Variants in RAB3GAP2 observed in about 807,000 individuals in gnomAD.
RAB3GAP2 encodes rab3 GTPase-activating protein non-catalytic subunit.
RAB3GAP2 carries 87 observed loss-of-function variants against 185.3 expected under a neutral mutation model. The ratio of observed to expected loss-of-function variants is 0.47; its 90% CI spans 0.39 to 0.56. RAB3GAP2 has a LOEUF of 0.56. Among genes scored for constraint, RAB3GAP2 ranks in the 20% least tolerant of loss-of-function variants. The pLI is 0.00. For synonymous variants in RAB3GAP2, 554 were observed against 576.1 expected (o/e 0.96, Z 0.55); for missense variants, 1,492 against 1,638.2 (o/e 0.91, Z 1.54).
In RAB3GAP2 at chr1:220,160,428, C is replaced by A. The variant is rs564684409; in HGVS notation, c.3226-1007G>T. Reference sequence around the variant, plus strand: ...GTTGCCAGAATCATCTTTTTAAACACAAATTTGAATATATAATTCCTCTGC... The same window carrying A: ...GTTGCCAGAATCATCTTTTTAAACAAAAATTTGAATATATAATTCCTCTGC... On this transcript the variant is annotated intron_variant, in intron 28 of 34. Coordinates refer to ENST00000358951, the MANE Select transcript of RAB3GAP2 (RefSeq NM_012414.4). Among the ~76,000 whole-genome samples the A allele has an allele frequency of 2.6e-5, 4 of 152,306 alleles. No individual in the cohort carries two copies. In the East Asian group the frequency reaches 7.7e-4, roughly 29 times the overall value.
intron 7 of RAB3GAP2, chr1:220,208,351 G>A (rs538112726): frequency 1.3e-5 from 2 of 152,150 alleles, no homozygotes; most frequent in African/African-American, 4.8e-5. Flanking sequence ...ATCTCCTTAC[G>A]ATGAGTATTA....
chr1:220,267,190 G>A lies in RAB3GAP2; in HGVS notation c.115+5033C>T. ...TGTTTTTGAATGACAGTAAGACAGG[G>A]CACTTGCCAATTCTGTGATATAAGT... On this transcript the variant is annotated intron_variant, in intron 1 of 34. Transcript: ENST00000358951. The A allele has an allele frequency of 3.1e-6, 3 of 980,752 alleles. No individual in the cohort carries two copies. The South Asian group carries it at 3.8e-5, about 12-fold the overall frequency. 60.8% of individuals were successfully genotyped at this position (980,752 alleles called of 1,614,324 possible).
chr1:220,198,413 T>C (rs1038360883), intron 9 of RAB3GAP2, among the ~76,000 whole-genome samples: 10 of 152,216 alleles, frequency 6.6e-5, no homozygotes, highest in African/African-American at 2.4e-4. Flanking sequence ...TTGAGACTAA[T>C]TTCCCACAGT....
rs1658905431 is a variant in RAB3GAP2 at position 220,203,712 on chromosome 1, T to A, written c.713-1338A>T. Among the ~76,000 whole-genome samples, 3 of 152,306 alleles carry A rather than the reference T, an allele frequency of 2.0e-5. No individual in the cohort carries two copies. In the South Asian group the frequency reaches 6.2e-4, roughly 32 times the overall value. On this transcript the variant is annotated intron_variant, in intron 8 of 34. Transcript: ENST00000358951. The stretch of plus-strand genomic sequence containing the variant: ...TGGCATATATATTAATGGTGAGTAT[T>A]TTAAATGTTCTCAAGATAGTGAAGC...
At chr1:220,177,813 T>C (rs2102862640) in intron 21 of RAB3GAP2, among the ~76,000 whole-genome samples, 1 of 152,254 alleles carries the variant, frequency 6.6e-6, no homozygotes, top group South Asian at 2.1e-4. Flanking sequence ...ATAGGATCTA[T>C]AAAACAACAT....
chr1:220,173,306 T>A (rs1383447294), intron 21 of RAB3GAP2, among the ~76,000 whole-genome samples: 2 of 152,240 alleles, frequency 1.3e-5, no homozygotes, highest in Non-Finnish European at 2.9e-5. Context: ...TAAACCAGCA[T>A]ACCTACTTGA....
rs923070503 is a variant in RAB3GAP2 at position 220,217,065 on chromosome 1, T to G, written c.181-3086A>C. ...TAATTTTATAATAAAGAAAATGGAGTCTCGGAGAGGTTAAGGGATGTGCTC... is the reference window on the plus strand; with the variant it reads ...TAATTTTATAATAAAGAAAATGGAGGCTCGGAGAGGTTAAGGGATGTGCTC... On this transcript the variant is annotated intron_variant, in intron 2 of 34. Transcript: ENST00000358951. Among the ~76,000 whole-genome samples the G allele has an allele frequency of 1.8e-4, 27 of 152,070 alleles. 1 individual carries two copies. The highest frequency in any genetic ancestry group is 1.2e-3 in the Admixed American group (19 of 15,284).
chr1:220,255,141 G>A (rs1280791153), intron 1 of RAB3GAP2, among the ~76,000 whole-genome samples: 1 of 150,946 alleles, frequency 6.6e-6, no homozygotes, highest in Non-Finnish European at 1.5e-5. Flanking sequence ...TAGTTTTCTG[G>A]AAAAGTCAAT....
chr1:220,165,139 TATTC>T (rs1199272668), intron 26 of RAB3GAP2, among the ~76,000 whole-genome samples: 1 of 150,110 alleles, frequency 6.7e-6, no homozygotes, highest in South Asian at 2.2e-4. Flanking sequence ...TTGTAGATAC[TATTC>T]ATTCATTCAT....
At chr1:220,252,146 A>G (rs935053018) in intron 1 of RAB3GAP2, among the ~76,000 whole-genome samples, 17 of 149,900 alleles carry the variant, frequency 1.1e-4, no homozygotes, top group African/African-American at 4.2e-4. Context: ...CCCTCTCTCA[A>G]AAAAAGAAAA....
chr1:220,254,262 C>T, intron 1 of RAB3GAP2: 8 of 1,613,418 alleles, frequency 5.0e-6, no homozygotes, highest in Non-Finnish European at 6.8e-6. Context: ...TGTTGGGTAC[C>T]CAGCTACTCT....
intron 1 of RAB3GAP2, among the ~76,000 whole-genome samples, chr1:220,251,880 C>T (rs1041211510): frequency 1.3e-5 from 2 of 152,096 alleles, no homozygotes; most frequent in East Asian, 1.9e-4. Context: ...AGACTGGGTG[C>T]GGTGGCTCAT....
intron 1 of RAB3GAP2, chr1:220,253,592 A>G (rs1474944715): frequency 6.3e-7 from 1 of 1,580,714 alleles, no homozygotes; most frequent in Non-Finnish European, 8.7e-7. Flanking sequence ...CAGGACCCGA[A>G]GCCTAAATTC....
intron 1 of RAB3GAP2, among the ~76,000 whole-genome samples, chr1:220,252,538 G>A (rs112150003): frequency 6.6e-6 from 1 of 152,222 alleles, no homozygotes; most frequent in Non-Finnish European, 1.5e-5. Context: ...TTGACCCAAA[G>A]AGAACGAAGA....
chr1:220,226,771 C>T (rs915633739), intron 2 of RAB3GAP2, among the ~76,000 whole-genome samples: 3 of 152,128 alleles, frequency 2.0e-5, no homozygotes, highest in African/African-American at 7.2e-5. Flanking sequence ...CCCTTGCCCC[C>T]ACCCCAATTC....
In RAB3GAP2 at chr1:220,157,360, C is replaced by T. The variant is rs749835662; in HGVS notation, c.3465G>A (p.Val1155=). The T allele has an allele frequency of 6.2e-7, 1 of 1,613,874 alleles. No homozygotes were observed. Among genetic ancestry groups the T allele is most frequent in the Non-Finnish European group, 8.5e-7 (1 of 1,179,960 alleles). The change falls in exon 31 of 35, where the codon GTG becomes GTA. Residue 1155 remains valine (V), a synonymous_variant. Coordinates refer to ENST00000358951, the MANE Select transcript of RAB3GAP2 (RefSeq NM_012414.4). ...TGGAGCACAGGATGGAGTGGTGCTCCACCAGTGGGTAGTGGATGTGCTTCT... is the reference window on the plus strand; with the variant it reads ...TGGAGCACAGGATGGAGTGGTGCTCTACCAGTGGGTAGTGGATGTGCTTCT... The part of the protein sequence containing the change: ...LEQKHIHYPL[V]EHHSILCSIL...
chr1:220,191,684 G>A (rs907116274), intron 13 of RAB3GAP2, among the ~76,000 whole-genome samples: 6 of 151,996 alleles, frequency 3.9e-5, no homozygotes, highest in Non-Finnish European at 8.8e-5. Flanking sequence ...TAGGCATGGC[G>A]GCGCATGCCT....
intron 1 of RAB3GAP2, among the ~76,000 whole-genome samples, chr1:220,271,943 G>C (rs1185619519): frequency 6.8e-6 from 1 of 147,454 alleles, no homozygotes; most frequent in Admixed American, 6.7e-5. Context: ...GGGAGGGAGG[G>C]AGAAAGCGGT....
chr1:220,265,078 C>A (rs1179242795), intron 1 of RAB3GAP2, among the ~76,000 whole-genome samples: 1 of 151,932 alleles, frequency 6.6e-6, no homozygotes, highest in Non-Finnish European at 1.5e-5. Context: ...TTAAAGAAAC[C>A]CAGTAACTCT....
Sources: allele counts gnomAD v4.1 joint callset (sites outside exome capture counted in the v4.1 genomes callset), GRCh38; gene constraint gnomAD v4.1.1; transcripts MANE v1.5; gene names NCBI Gene and HGNC (gene_info 2026-07-23, HGNC 2026-07-21).